WNT5A: variants seen among roughly 807,000 people sequenced by gnomAD.
WNT5A encodes protein Wnt-5a.
A neutral mutation model predicts 42.1 loss-of-function variants in WNT5A; 9 were observed. That is an observed-to-expected ratio of 0.21 (90% CI 0.13 to 0.37). WNT5A has a LOEUF of 0.37. Ranked by LOEUF, WNT5A falls within the 10% of genes least tolerant of loss-of-function variation. The pLI is 1.00. For synonymous variants in WNT5A, 210 were observed against 210.0 expected, an observed-to-expected ratio of 1.00 and a Z score of 0.00; for missense variants, 426 against 534.0, an observed-to-expected ratio of 0.80 and a Z score of 1.99.
At chr3:55,497,527 A>G in the WNT5A span, 1 of 152,210 alleles carries the variant, frequency 6.6e-6, no homozygotes, top group Non-Finnish European at 1.5e-5. Flanking sequence ...CTTGTTTACA[A>G]TCCCCACTAC....
upstream of WNT5A, among the ~76,000 whole-genome samples, chr3:55,492,232 C>CG (rs989891416): frequency 1.8e-5 from 1 of 56,324 alleles, no homozygotes; most frequent in Admixed American, 1.5e-4. Context: ...TGCTTTGTGG[C>CG]GGGGGGGCAC....
At chr3:55,502,907 T>C in the WNT5A span, among the ~76,000 whole-genome samples, 2 of 152,262 alleles carry the variant, frequency 1.3e-5, no homozygotes, top group Non-Finnish European at 2.9e-5. Context: ...TATGCCATAC[T>C]GGCATTAGGC....
Position 55,466,781 on chromosome 3 carries a change from G to A in WNT5A, c.*3311C>T, listed in dbSNP as rs1008175152. The A allele has an allele frequency of 2.6e-5, 4 of 152,586 alleles. No homozygotes were observed. Among genetic ancestry groups the A allele is most frequent in the African/African-American group, 9.7e-5 (4 of 41,422 alleles). 9.5% of individuals were successfully genotyped at this position (152,586 alleles called of 1,614,324 possible). On this transcript the variant is annotated 3_prime_UTR_variant, in exon 5 of 5. Transcript: ENST00000264634. ...GAACACTGGTCAATATACAACTGAG[G>A]AAAAACTGAAACAGATGTGAGTCCT...
the WNT5A span, among the ~76,000 whole-genome samples, chr3:55,502,112 A>G: frequency 6.6e-6 from 1 of 152,182 alleles, no homozygotes; most frequent in African/African-American, 2.4e-5. Flanking sequence ...AGTTTCTTTG[A>G]GCAGCCAAAT....
chr3:55,474,497 C>A lies in WNT5A; in HGVS notation c.524G>T (p.Arg175Leu), dbSNP rs755766054. Residue 175 changes from arginine (R) to leucine (L), a missense_variant, in exon 4 of 5, where the codon CGG becomes CTG. This residue lies in a region of WNT5A where 358 missense variants were observed against 468.1 expected (regional missense o/e 0.76). Coordinates refer to ENST00000264634, the MANE Select transcript of WNT5A (RefSeq NM_003392.7). ...GCCGCAGCCGCCCCAGAGCCAGTCC[C>A]GCGGCAGGTCCTTGGGGCGCGCGGC... ...SRAARPKDLP[R>L]DWLWGGCGDN... 2 of 1,590,800 alleles carry A rather than the reference C, an allele frequency of 1.3e-6. No individual in the cohort carries two copies. Among genetic ancestry groups the A allele is most frequent in the East Asian group, 2.3e-5 (1 of 43,458 alleles).
chr3:55,481,710 G>A (rs2051469073), intron 1 of WNT5A, among the ~76,000 whole-genome samples: 2 of 152,174 alleles, frequency 1.3e-5, no homozygotes, highest in Admixed American at 1.3e-4. Flanking sequence ...GAGAGGTCGG[G>A]TCTCCCAACC....
At chr3:55,497,006 C>T in the WNT5A span, among the ~76,000 whole-genome samples, 13 of 152,216 alleles carry the variant, frequency 8.5e-5, no homozygotes, top group Admixed American at 2.0e-4. Context: ...GGATCATCAA[C>T]CATTCATTTA....
chr3:55,480,923 A>C lies in WNT5A; in HGVS notation c.7-5T>G, dbSNP rs752929793. 1.1e-5 allele frequency: 17 copies of C among 1,530,642 alleles called. No individual in the cohort carries two copies. The highest frequency in any genetic ancestry group is 5.3e-6 in the Non-Finnish European group (6 of 1,137,486). The allele number at this position is 1,530,642 out of a possible 1,614,324, so 94.8% of individuals were successfully genotyped here. ...GCTTAATATTCCAATGGACTTCTGG[A>C]GAGGGAAGAAAGGAGCAGATGTTTA... On this transcript the variant is annotated splice_region_variant and splice_polypyrimidine_tract_variant and intron_variant, in intron 1 of 4. Transcript: ENST00000264634.
In WNT5A at chr3:55,470,233, G is replaced by GCCAT. The variant is rs2051221107; in HGVS notation, c.998_1001dup (p.Cys335TrpfsTer65). On this transcript the variant is annotated frameshift_variant, in exon 5 of 5. Coordinates refer to ENST00000264634, the MANE Select transcript of WNT5A (RefSeq NM_003392.7). LOFTEE classifies it high-confidence loss of function. ...CACGGCCGCAGCACATGAGCTCGCA[G>GCCAT]CCATCCATGCCCTCCGACGTCTTGT... 6.2e-7 allele frequency: 1 copy of GCCAT among 1,614,002 alleles called. No homozygotes were observed. The highest frequency in any genetic ancestry group is 1.1e-5 in the South Asian group (1 of 91,086).
At chr3:55,482,769 C>T (rs1321909793) in intron 1 of WNT5A, among the ~76,000 whole-genome samples, 3 of 152,122 alleles carry the variant, frequency 2.0e-5, no homozygotes, top group Admixed American at 6.5e-5. Context: ...TATCTCCCCA[C>T]CCCCGCCCTA....
upstream of WNT5A, chr3:55,490,206 A>G (rs1372178299): frequency 6.6e-6 from 1 of 152,252 alleles, no homozygotes; most frequent in Non-Finnish European, 1.5e-5. Context: ...CATTTCCTCC[A>G]CACATACAGC....
At chr3:55,491,539 A>G (rs2051659286), upstream of WNT5A, among the ~76,000 whole-genome samples, 1 of 152,200 alleles carries the variant, frequency 6.6e-6, no homozygotes, top group African/African-American at 2.4e-5. Context: ...CAAGATAAGG[A>G]ATTTATGAAC....
intron 3 of WNT5A, 33 bp from the exon 4 acceptor site, chr3:55,474,662 T>G (rs1204231503): frequency 1.1e-5 from 12 of 1,096,832 alleles, no homozygotes; most frequent in Non-Finnish European, 1.2e-5. Flanking sequence ...ACTGGCCGCC[T>G]GCCTCACGCG....
chr3:55,473,274 C>G (rs2051285609), intron 4 of WNT5A, among the ~76,000 whole-genome samples: 1 of 152,168 alleles, frequency 6.6e-6, no homozygotes, highest in South Asian at 2.1e-4. Context: ...CTACAGTTTA[C>G]TCTGTGATTA....
In WNT5A at chr3:55,469,729, A is replaced by G. The variant is rs566899315; in HGVS notation, c.*363T>C. On this transcript the variant is annotated 3_prime_UTR_variant, in exon 5 of 5. Transcript: ENST00000264634. ...GAACCTACCCATCCCATATGATGGC[A>G]TATTTGAGAAAAAGAAAATGTATTT... 5.6e-6 allele frequency: 1 copy of G among 180,026 alleles called. No homozygotes were observed. The highest frequency in any genetic ancestry group is 5.6e-5 in the Admixed American group (1 of 17,714). The allele number at this position is 180,026 out of a possible 1,614,324, so 11.2% of individuals were successfully genotyped here.
chr3:55,478,609 T>G (rs563010509), intron 3 of WNT5A, among the ~76,000 whole-genome samples: 2 of 152,316 alleles, frequency 1.3e-5, no homozygotes, highest in African/African-American at 4.8e-5. Flanking sequence ...TGCTATCTCT[T>G]TGAATGGGGA....
At chr3:55,476,464 G>C (rs1217283638) in intron 3 of WNT5A, among the ~76,000 whole-genome samples, 2 of 152,156 alleles carry the variant, frequency 1.3e-5, no homozygotes, top group East Asian at 1.9e-4. Flanking sequence ...AAATGCTGTG[G>C]CCCTGGATGG....
At chr3:55,494,627 C>A (rs933650176), upstream of WNT5A, among the ~76,000 whole-genome samples, 3 of 152,156 alleles carry the variant, frequency 2.0e-5, no homozygotes, top group Admixed American at 6.5e-5. Flanking sequence ...CAACCTCTGC[C>A]CCCCAGGTTC....
At chr3:55,494,384 G>C (rs1429731528), upstream of WNT5A, among the ~76,000 whole-genome samples, 1 of 152,104 alleles carries the variant, frequency 6.6e-6, no homozygotes, top group Non-Finnish European at 1.5e-5. Flanking sequence ...CTAGAAAAGT[G>C]GAGTGTTTTC....
Sources: allele counts gnomAD v4.1 joint callset (sites outside exome capture counted in the v4.1 genomes callset), GRCh38; gene constraint gnomAD v4.1.1; regional missense constraint gnomAD v4.1.1; transcripts MANE v1.5; gene names NCBI Gene and HGNC (gene_info 2026-07-23, HGNC 2026-07-21).